Variants in TMEM132D observed in about 807,000 individuals in gnomAD.
TMEM132D encodes mature OL transmembrane protein.
In TMEM132D, 21 loss-of-function variants were observed where a neutral mutation model predicts 62.3. The ratio of observed to expected loss-of-function variants is 0.34; its 90% CI spans 0.24 to 0.49. The LOEUF is 0.49. TMEM132D is among the 20% of genes least tolerant of loss of function. The pLI, the probability that TMEM132D is intolerant of heterozygous loss-of-function variation, is 0.99. For missense variants in TMEM132D, 1,346 were observed against 1,402.8 expected, an observed-to-expected ratio of 0.96 and a Z score of 0.65; for synonymous variants, 621 against 575.6, an observed-to-expected ratio of 1.08 and a Z score of -1.13.
chr12:129,886,822 G>A (rs1324972899), intron 1 of TMEM132D, among the ~76,000 whole-genome samples: 2 of 152,120 alleles, frequency 1.3e-5, no homozygotes, highest in Non-Finnish European at 2.9e-5. Flanking sequence ...CCCCCATGCT[G>A]CTGTTCTCCT....
intron 2 of TMEM132D, among the ~76,000 whole-genome samples, chr12:129,537,073 T>C (rs1279733856): frequency 6.7e-6 from 1 of 148,628 alleles, no homozygotes; most frequent in African/African-American, 2.5e-5. Context: ...GACGGGAGAA[T>C]TGCTTGAACC....
Position 129,546,643 on chromosome 12 carries a change from T to TA in TMEM132D, c.969-15439dup, listed in dbSNP as rs1876744505. ...GGTGAAACCCCGTCTCTACTAAAAA[T>TA]AAAAAAAATTAGCCAGGCGTGGTGG... On this transcript the variant is annotated intron_variant, in intron 2 of 8. Transcript: ENST00000422113. Among the ~76,000 whole-genome samples the TA allele has an allele frequency of 2.0e-5, 3 of 151,320 alleles. No individual in the cohort carries two copies. In the South Asian group the frequency reaches 6.3e-4, roughly 32 times the overall value.
Position 129,428,100 on chromosome 12 carries a change from G to A in TMEM132D, c.1116-90283C>T, listed in dbSNP as rs568200187. Among the ~76,000 whole-genome samples, 7 of 152,214 alleles carry A rather than the reference G, an allele frequency of 4.6e-5. No homozygotes were observed. The South Asian group carries it at 1.5e-3, about 32-fold the overall frequency. On this transcript the variant is annotated intron_variant, in intron 3 of 8. Transcript: ENST00000422113. ...AGAAGAGAGGAAACAGGGACCACAAGCAAACAAAAACAAAAGAGAAAACCA... is the reference window on the plus strand; with the variant it reads ...AGAAGAGAGGAAACAGGGACCACAAACAAACAAAAACAAAAGAGAAAACCA...
intron 3 of TMEM132D, among the ~76,000 whole-genome samples, chr12:129,338,757 T>C (rs1869371906): frequency 1.3e-5 from 2 of 152,212 alleles, no homozygotes; most frequent in Admixed American, 6.5e-5. Flanking sequence ...CACTGAACTC[T>C]GACATGTAGG....
intron 1 of TMEM132D, among the ~76,000 whole-genome samples, chr12:129,714,460 C>A (rs1029890336): frequency 1.3e-5 from 2 of 152,142 alleles, no homozygotes; most frequent in African/African-American, 4.8e-5. Context: ...AGGGTTTGAA[C>A]AACACAGGTG....
At chr12:129,871,176 A>G (rs1445778755) in intron 1 of TMEM132D, among the ~76,000 whole-genome samples, 2 of 152,182 alleles carry the variant, frequency 1.3e-5, no homozygotes, top group Admixed American at 6.5e-5. Flanking sequence ...ATATGGAACT[A>G]AACAGTGATT....
chr12:129,500,836 G>A (rs543690401), intron 3 of TMEM132D, among the ~76,000 whole-genome samples: 52 of 152,270 alleles, frequency 3.4e-4, no homozygotes, highest in African/African-American at 1.3e-3. Flanking sequence ...TTCCTGCACC[G>A]ATGACCCCAG....
In TMEM132D at chr12:129,615,899, C is replaced by A. The variant is rs184900988; in HGVS notation, c.968+83911G>T. Among the ~76,000 whole-genome samples the A allele has an allele frequency of 3.3e-5, 5 of 152,316 alleles. No homozygotes were observed. The East Asian group carries it at 9.6e-4, about 29-fold the overall frequency. On this transcript the variant is annotated intron_variant, in intron 2 of 8. Coordinates refer to ENST00000422113, the MANE Select transcript of TMEM132D (RefSeq NM_133448.3). The stretch of plus-strand genomic sequence containing the variant: ...ACCCCCGTCCCAGAGCCAGAACTGG[C>A]TTGAGTTGAGTGGCAGCTCCTCTCT...
chr12:129,273,041 C>T (rs1880897407), intron 4 of TMEM132D, among the ~76,000 whole-genome samples: 2 of 151,718 alleles, frequency 1.3e-5, no homozygotes, highest in Non-Finnish European at 2.9e-5. Context: ...ACTAAAAATA[C>T]AAAAATTAGC....
chr12:129,707,386 AC>A (rs1881532321), intron 1 of TMEM132D, among the ~76,000 whole-genome samples: 1 of 151,910 alleles, frequency 6.6e-6, no homozygotes, highest in Non-Finnish European at 1.5e-5. Flanking sequence ...CATAAAATAA[AC>A]AAAAAGGAAG....
At chr12:129,345,280 G>C (rs902981981) in intron 3 of TMEM132D, among the ~76,000 whole-genome samples, 3 of 152,144 alleles carry the variant, frequency 2.0e-5, no homozygotes, top group Non-Finnish European at 4.4e-5. Flanking sequence ...TAATGCAGCT[G>C]GCCTTCAAAA....
chr12:129,275,650 G>A lies in TMEM132D; in HGVS notation c.1299+61984C>T, dbSNP rs1255996955. Among the ~76,000 whole-genome samples the A allele has an allele frequency of 5.3e-5, 8 of 152,170 alleles. No individual in the cohort carries two copies. The East Asian group carries it at 5.8e-4, about 11-fold the overall frequency. ...GAATAAGGAGATCAAGGTCAGGGCC[G>A]CCTGCATTCCATGTTTGTTCAGCAA... On this transcript the variant is annotated intron_variant, in intron 4 of 8. Transcript: ENST00000422113.
chr12:129,561,761 A>T (rs1235640654), intron 2 of TMEM132D, among the ~76,000 whole-genome samples: 1 of 152,204 alleles, frequency 6.6e-6, no homozygotes, highest in Non-Finnish European at 1.5e-5. Flanking sequence ...CATTCTGTCC[A>T]GATAAGAAAT....
intron 3 of TMEM132D, among the ~76,000 whole-genome samples, chr12:129,406,534 G>A (rs548035523): frequency 6.6e-6 from 1 of 151,962 alleles, no homozygotes; most frequent in Non-Finnish European, 1.5e-5. Context: ...GCAGGAGAAT[G>A]GCGTGAACCC....
chr12:129,676,919 A>G (rs1242191201), intron 2 of TMEM132D, among the ~76,000 whole-genome samples: 5 of 152,086 alleles, frequency 3.3e-5, no homozygotes, highest in Admixed American at 6.6e-5. Flanking sequence ...CTACCTATCC[A>G]TTCAACTATC....
At chr12:129,501,627 T>C (rs73433670) in intron 3 of TMEM132D, among the ~76,000 whole-genome samples, 1 of 151,690 alleles carries the variant, frequency 6.6e-6, no homozygotes, top group African/African-American at 2.4e-5. Context: ...GCCTCAGCCT[T>C]CTAAATAGCT....
chr12:129,728,067 T>C (rs1053744112), intron 1 of TMEM132D, among the ~76,000 whole-genome samples: 2 of 152,186 alleles, frequency 1.3e-5, no homozygotes, highest in Admixed American at 6.5e-5. Context: ...TTAAAAAATA[T>C]TTTTAAAAAG....
chr12:129,767,371 G>A (rs1299334665), intron 1 of TMEM132D, among the ~76,000 whole-genome samples: 2 of 151,706 alleles, frequency 1.3e-5, no homozygotes, highest in African/African-American at 4.8e-5. Context: ...ACTAAGATGG[G>A]TAGAGGTGAT....
intron 2 of TMEM132D, among the ~76,000 whole-genome samples, chr12:129,693,465 A>G (rs1028969672): frequency 6.6e-6 from 1 of 152,186 alleles, no homozygotes; most frequent in Non-Finnish European, 1.5e-5. Flanking sequence ...CCTCTTTACA[A>G]TTGTGAGCTG....
Sources: gnomAD v4.1 joint callset for allele counts (sites outside exome capture counted in the v4.1 genomes callset) on GRCh38, gnomAD v4.1.1 for gene constraint, MANE v1.5 for transcripts, NCBI Gene and HGNC (gene_info 2026-07-23, HGNC 2026-07-21) for gene names.